AP3B1: variants seen among roughly 807,000 people sequenced by gnomAD.
AP3B1 encodes adaptor related protein complex 3 subunit beta 1.
AP3B1 carries 61 observed loss-of-function variants against 132.5 expected under a neutral mutation model. The observed-to-expected ratio is 0.46, with a 90% CI of 0.37 to 0.57. The LOEUF (loss-of-function observed/expected upper bound fraction) is 0.57. AP3B1 is among the 20% of genes least tolerant of loss of function. The pLI is 0.00. For synonymous variants in AP3B1, 388 were observed against 438.3 expected (o/e 0.89, Z 1.43); for missense variants, 1,120 against 1,289.4 (o/e 0.87, Z 2.01).
At chr5:78,218,491 T>C (rs1425367244) in intron 6 of AP3B1, among the ~76,000 whole-genome samples, 1 of 152,152 alleles carries the variant, frequency 6.6e-6, no homozygotes, top group East Asian at 1.9e-4. Flanking sequence ...TTCTGTGCTG[T>C]TGCTATGAAC....
intron 21 of AP3B1, among the ~76,000 whole-genome samples, chr5:78,091,895 T>C (rs1344963255): frequency 6.6e-6 from 1 of 152,140 alleles, no homozygotes; most frequent in African/African-American, 2.4e-5. Flanking sequence ...AAGACTAAAG[T>C]AAGCCAATGG....
At chr5:78,043,868 G>T in intron 22 of AP3B1, 2 of 363,396 alleles carry the variant, frequency 5.5e-6, no homozygotes, top group South Asian at 5.3e-5. Context: ...GCATTGACAT[G>T]ACCAAGGCTG....
At chr5:78,157,195 G>C (rs1170236127) in intron 13 of AP3B1, among the ~76,000 whole-genome samples, 1 of 152,012 alleles carries the variant, frequency 6.6e-6, no homozygotes. Flanking sequence ...ACTCCTGCAG[G>C]GTCTGGTAAC....
At chr5:78,176,067 T>C (rs1744136633) in intron 9 of AP3B1, among the ~76,000 whole-genome samples, 1 of 152,156 alleles carries the variant, frequency 6.6e-6, no homozygotes, top group Admixed American at 6.5e-5. Flanking sequence ...TTAAAACAAA[T>C]TTTATAATAA....
intron 1 of AP3B1, among the ~76,000 whole-genome samples, chr5:78,272,565 AG>A (rs1748592060): frequency 6.6e-6 from 1 of 152,220 alleles, no homozygotes; most frequent in Admixed American, 6.5e-5. Context: ...TTGCCCTCAT[AG>A]GGATTTCATT....
chr5:78,007,297 C>T (rs1298441445), intron 26 of AP3B1, among the ~76,000 whole-genome samples: 2 of 152,218 alleles, frequency 1.3e-5, no homozygotes, highest in African/African-American at 4.8e-5. Flanking sequence ...ATACTTAATG[C>T]AACAGCTCTA....
intron 22 of AP3B1, among the ~76,000 whole-genome samples, chr5:78,047,206 G>T (rs1189826375): frequency 6.6e-6 from 1 of 152,094 alleles, no homozygotes; most frequent in African/African-American, 2.4e-5. Context: ...TAATCCTTTG[G>T]GTATATACCC....
chr5:78,010,299 A>C (rs963887709), intron 26 of AP3B1, among the ~76,000 whole-genome samples: 1 of 152,230 alleles, frequency 6.6e-6, no homozygotes, highest in Admixed American at 6.5e-5. Flanking sequence ...TGATAATTCC[A>C]GGCAGCCTCA....
chr5:78,063,421 T>C (rs1255877764), intron 22 of AP3B1, among the ~76,000 whole-genome samples: 1 of 152,236 alleles, frequency 6.6e-6, no homozygotes, highest in African/African-American at 2.4e-5. Flanking sequence ...TACAGATTTA[T>C]TATACTAAAT....
chr5:78,110,731 C>T (rs1272512458), intron 19 of AP3B1, among the ~76,000 whole-genome samples: 1 of 147,540 alleles, frequency 6.8e-6, no homozygotes, highest in African/African-American at 2.5e-5. Context: ...TGTATACATA[C>T]ATGTATATAT....
At chr5:78,096,735 C>G (rs1306914629) in intron 21 of AP3B1, among the ~76,000 whole-genome samples, 1 of 151,692 alleles carries the variant, frequency 6.6e-6, no homozygotes, top group Non-Finnish European at 1.5e-5. Flanking sequence ...CTCCACCCGG[C>G]AACTGCCCCG....
intron 20 of AP3B1, among the ~76,000 whole-genome samples, chr5:78,109,849 T>A (rs916803840): frequency 6.6e-6 from 1 of 152,184 alleles, no homozygotes; most frequent in Non-Finnish European, 1.5e-5. Flanking sequence ...CACTCTATTA[T>A]GCAAAATGCC....
At chr5:78,230,327 C>T (rs1225246001) in intron 3 of AP3B1, among the ~76,000 whole-genome samples, 1 of 152,132 alleles carries the variant, frequency 6.6e-6, no homozygotes, top group East Asian at 1.9e-4. Context: ...TTCATAAGTA[C>T]AAATGAAAAC....
At chr5:78,093,125 C>G (rs1294313517) in intron 21 of AP3B1, among the ~76,000 whole-genome samples, 3 of 152,168 alleles carry the variant, frequency 2.0e-5, no homozygotes, top group Non-Finnish European at 4.4e-5. Flanking sequence ...TTCCCAACAA[C>G]AGTAAATCTG....
intron 3 of AP3B1, among the ~76,000 whole-genome samples, chr5:78,235,623 A>G (rs1381742906): frequency 6.6e-6 from 1 of 152,212 alleles, no homozygotes; most frequent in Non-Finnish European, 1.5e-5. Context: ...CCATTCTGTG[A>G]CCAGAAATGG....
intron 21 of AP3B1, among the ~76,000 whole-genome samples, chr5:78,098,143 C>A (rs1315943425): frequency 4.0e-5 from 6 of 150,930 alleles, no homozygotes; most frequent in African/African-American, 1.2e-4. Flanking sequence ...ACAAACACTG[C>A]GGAAGGCCGC....
At chr5:78,015,842 T>C (rs1021675712) in intron 25 of AP3B1, 10 of 361,850 alleles carry the variant, frequency 2.8e-5, no homozygotes, top group East Asian at 6.7e-5. Flanking sequence ...TCAATTTCAG[T>C]CTCTTTAAAG....
At chr5:78,073,507 C>T (rs1362639727) in intron 22 of AP3B1, among the ~76,000 whole-genome samples, 2 of 152,088 alleles carry the variant, frequency 1.3e-5, no homozygotes, top group South Asian at 2.1e-4. Context: ...CATAGTCACA[C>T]AAAATTCCAT....
At chr5:78,047,723 C>A (rs1026132897) in intron 22 of AP3B1, among the ~76,000 whole-genome samples, 1 of 152,212 alleles carries the variant, frequency 6.6e-6, no homozygotes, top group Admixed American at 6.5e-5. Flanking sequence ...ACCTAGCCTT[C>A]AGCATGTGGG....
Sources: allele counts gnomAD v4.1 joint callset (sites outside exome capture counted in the v4.1 genomes callset), GRCh38; gene constraint gnomAD v4.1.1; transcripts MANE v1.5; gene names NCBI Gene and HGNC (gene_info 2026-07-23, HGNC 2026-07-21).